The following GRID2 variants were observed in gnomAD, a reference collection of about 807,000 sequenced individuals.
GRID2 encodes the protein glutamate receptor ionotropic, delta-2.
A neutral mutation model predicts 114.8 loss-of-function variants in GRID2; 33 were observed. That is an observed-to-expected ratio of 0.29 (90% CI 0.22 to 0.38). The LOEUF (loss-of-function observed/expected upper bound fraction) is 0.38. Ranked by LOEUF, GRID2 falls within the 10% of genes least tolerant of loss-of-function variation. The probability of loss-of-function intolerance (pLI) is 1.00; values close to 1 mark genes in which losing one functional copy is unlikely to be tolerated. For synonymous variants in GRID2, 505 were observed against 449.9 expected, an observed-to-expected ratio of 1.12 and a Z score of -1.55; for missense variants, 1,184 against 1,257.7, an observed-to-expected ratio of 0.94 and a Z score of 0.89.
intron 1 of GRID2, among the ~76,000 whole-genome samples, chr4:92,387,827 C>T (rs1730045325): frequency 6.6e-6 from 1 of 152,000 alleles, no homozygotes; most frequent in South Asian, 2.1e-4. Context: ...ATTCCATTCC[C>T]TAATTCAAAA....
At chr4:92,689,193 T>C (rs1734062960) in intron 2 of GRID2, among the ~76,000 whole-genome samples, 1 of 152,186 alleles carries the variant, frequency 6.6e-6, no homozygotes, top group Non-Finnish European at 1.5e-5. Context: ...GCATAATTCT[T>C]AAGAGCTAGG....
At chr4:93,573,796 C>A (rs1268944789) in intron 13 of GRID2, among the ~76,000 whole-genome samples, 1 of 152,068 alleles carries the variant, frequency 6.6e-6, no homozygotes, top group Non-Finnish European at 1.5e-5. Flanking sequence ...TAACCCTGGA[C>A]CACTGCAAAT....
chr4:92,544,187 C>T (rs1446789858), intron 1 of GRID2, among the ~76,000 whole-genome samples: 4 of 152,050 alleles, frequency 2.6e-5, no homozygotes, highest in African/African-American at 4.8e-5. Flanking sequence ...TGAGCTGAGA[C>T]CCCTGACTGT....
chr4:92,561,514 C>A (rs1041051950), intron 1 of GRID2, among the ~76,000 whole-genome samples: 37 of 152,210 alleles, frequency 2.4e-4, no homozygotes, highest in African/African-American at 8.2e-4. Flanking sequence ...CCCTGAAATT[C>A]AATTGTTTTA....
At chr4:93,003,536 C>T (rs1193876266) in intron 2 of GRID2, among the ~76,000 whole-genome samples, 8 of 151,930 alleles carry the variant, frequency 5.3e-5, no homozygotes, top group African/African-American at 1.9e-4. Context: ...GAATAATTTA[C>T]ATACATTTGT....
intron 13 of GRID2, among the ~76,000 whole-genome samples, chr4:93,601,729 A>G (rs1024419859): frequency 6.6e-6 from 1 of 152,160 alleles, no homozygotes; most frequent in African/African-American, 2.4e-5. Flanking sequence ...AACTTTGATA[A>G]TGATAATTTT....
intron 2 of GRID2, among the ~76,000 whole-genome samples, chr4:92,970,208 T>C (rs1400469683): frequency 1.3e-5 from 2 of 151,876 alleles, no homozygotes; most frequent in African/African-American, 4.8e-5. Context: ...ATTCCACTAA[T>C]CCACAATATT....
At chr4:93,108,676 G>C (rs1187418638) in intron 3 of GRID2, among the ~76,000 whole-genome samples, 1 of 150,596 alleles carries the variant, frequency 6.6e-6, no homozygotes, top group Admixed American at 6.6e-5. Flanking sequence ...TGTCACCCAG[G>C]CTGGAGTGCA....
chr4:92,453,443 T>C (rs1219600696), intron 1 of GRID2, among the ~76,000 whole-genome samples: 2 of 152,172 alleles, frequency 1.3e-5, no homozygotes, highest in African/African-American at 4.8e-5. Flanking sequence ...CGTATGTATA[T>C]TCACATATGT....
chr4:93,651,489 A>G (rs1048453896), intron 14 of GRID2, among the ~76,000 whole-genome samples: 17 of 152,298 alleles, frequency 1.1e-4, no homozygotes, highest in African/African-American at 3.8e-4. Flanking sequence ...TTTCTTCTGC[A>G]TCTTTACACT....
chr4:93,077,849 A>G (rs941383068), intron 2 of GRID2, among the ~76,000 whole-genome samples: 1 of 152,224 alleles, frequency 6.6e-6, no homozygotes, highest in African/African-American at 2.4e-5. Flanking sequence ...AGTGTTAAGC[A>G]AAACAGTCTT....
At chr4:92,779,131 C>T (rs1292578244) in intron 2 of GRID2, among the ~76,000 whole-genome samples, 1 of 151,448 alleles carries the variant, frequency 6.6e-6, no homozygotes, top group Non-Finnish European at 1.5e-5. Context: ...ACTATAGTAG[C>T]ATTTCTATTG....
At chr4:93,549,031 A>G (rs902432091) in intron 13 of GRID2, among the ~76,000 whole-genome samples, 6 of 152,228 alleles carry the variant, frequency 3.9e-5, no homozygotes. Context: ...CTTGAAATTC[A>G]TTTGAACTTT....
intron 2 of GRID2, among the ~76,000 whole-genome samples, chr4:93,011,491 G>A (rs1019252726): frequency 1.3e-5 from 2 of 151,992 alleles, no homozygotes; most frequent in Non-Finnish European, 2.9e-5. Flanking sequence ...GGTTCCCCTG[G>A]AAACCAGCCC....
In GRID2 at chr4:93,120,976, A is replaced by T. The variant is rs549172555; in HGVS notation, c.735+10023A>T. 8.6e-4 allele frequency among the ~76,000 whole-genome samples: 131 copies of T among 152,178 alleles called. 3 individuals are homozygous for T. The highest frequency in any genetic ancestry group is 1.0e-3 in the South Asian group (5 of 4,824). On this transcript the variant is annotated intron_variant, in intron 4 of 15. Coordinates refer to ENST00000282020, the MANE Select transcript of GRID2 (RefSeq NM_001510.4). Reference sequence around the variant, plus strand: ...TCAAAAAATATAAATAAAATAAATTAAAATAAATTTAAAAACCTAGATGAT... The same window carrying T: ...TCAAAAAATATAAATAAAATAAATTTAAATAAATTTAAAAACCTAGATGAT...
chr4:92,920,597 T>A (rs1478386935), intron 2 of GRID2, among the ~76,000 whole-genome samples: 1 of 152,162 alleles, frequency 6.6e-6, no homozygotes, highest in Non-Finnish European at 1.5e-5. Flanking sequence ...TATTTCTTCT[T>A]CACTTATGAG....
At chr4:92,870,157 T>C (rs114895348) in intron 2 of GRID2, among the ~76,000 whole-genome samples, 2,272 of 152,048 alleles carry the variant, frequency 0.015, 60 homozygotes, top group African/African-American at 0.052. Flanking sequence ...GCTGTGATCG[T>C]GCCACTCTAC....
intron 3 of GRID2, among the ~76,000 whole-genome samples, chr4:93,087,050 T>TTTATTTA (rs1730392499): frequency 9.0e-5 from 7 of 78,138 alleles, no homozygotes; most frequent in African/African-American, 3.2e-4. Context: ...TTATTTATTT[T>TTTATTTA]TTGAGATGGA....
chr4:93,378,004 A>G (rs1763525749), intron 8 of GRID2, among the ~76,000 whole-genome samples: 1 of 152,192 alleles, frequency 6.6e-6, no homozygotes, highest in African/African-American at 2.4e-5. Context: ...TAATTTTATA[A>G]GGTTTAATTT....
Sources: gnomAD v4.1 joint callset for allele counts (sites outside exome capture counted in the v4.1 genomes callset) on GRCh38, gnomAD v4.1.1 for gene constraint, MANE v1.5 for transcripts, NCBI Gene and HGNC (gene_info 2026-07-23, HGNC 2026-07-21) for gene names.